Variants in CNTN5 observed in about 807,000 individuals in gnomAD.
CNTN5 encodes the protein contactin-5.
CNTN5 carries 77 observed loss-of-function variants against 129.1 expected under a neutral mutation model. The ratio of observed to expected loss-of-function variants is 0.60; its 90% CI spans 0.50 to 0.72. CNTN5 has a LOEUF of 0.72. CNTN5 is among the 30% of genes least tolerant of loss of function. CNTN5 has a pLI of 0.00. For missense variants in CNTN5, 1,478 were observed against 1,328.8 expected, an observed-to-expected ratio of 1.11 and a Z score of -1.75; for synonymous variants, 509 against 465.6, an observed-to-expected ratio of 1.09 and a Z score of -1.20.
intron 2 of CNTN5, among the ~76,000 whole-genome samples, chr11:99,374,289 A>G (rs550992832): frequency 6.6e-6 from 1 of 152,356 alleles, no homozygotes; most frequent in East Asian, 1.9e-4. Flanking sequence ...AATAAAATAA[A>G]GTAAATCATT....
At chr11:99,595,435 TTAAGA>T (rs1950096813) in intron 3 of CNTN5, among the ~76,000 whole-genome samples, 1 of 152,168 alleles carries the variant, frequency 6.6e-6, no homozygotes. Context: ...AGTCTTTGTT[TTAAGA>T]TAAGTGGACT....
chr11:99,068,893 T>G lies in CNTN5; in HGVS notation c.-210+47623T>G, dbSNP rs577301872. Among the ~76,000 whole-genome samples, 16 of 152,264 alleles carry G rather than the reference T, an allele frequency of 1.1e-4. No individual in the cohort carries two copies. In the South Asian group the frequency reaches 3.1e-3, roughly 30 times the overall value. On this transcript the variant is annotated intron_variant, in intron 1 of 24. Transcript: ENST00000524871. Reference sequence around the variant, plus strand: ...TAATTTTAAAAATAATCAGATCTCCTTTAGAACATGTGACCTTAAGTGAAT... The same window carrying G: ...TAATTTTAAAAATAATCAGATCTCCGTTAGAACATGTGACCTTAAGTGAAT...
chr11:99,909,943 C>A (rs1949614279), intron 6 of CNTN5, among the ~76,000 whole-genome samples: 1 of 151,072 alleles, frequency 6.6e-6, no homozygotes, highest in East Asian at 2.0e-4. Context: ...CACATGTACC[C>A]TAAAACTTAA....
At chr11:100,278,999 A>C (rs1238418703) in intron 18 of CNTN5, among the ~76,000 whole-genome samples, 1 of 151,876 alleles carries the variant, frequency 6.6e-6, no homozygotes, top group Non-Finnish European at 1.5e-5. Flanking sequence ...TTTGTTGAGA[A>C]TTTTTATCAT....
intron 13 of CNTN5, among the ~76,000 whole-genome samples, chr11:100,184,329 C>G (rs1948230982): frequency 6.6e-6 from 1 of 152,124 alleles, no homozygotes; most frequent in African/African-American, 2.4e-5. Flanking sequence ...ATAGAGTAGT[C>G]AGTGTCAGTA....
intron 16 of CNTN5, among the ~76,000 whole-genome samples, chr11:100,227,541 C>A (rs566288662): frequency 6.6e-6 from 1 of 152,170 alleles, no homozygotes. Context: ...ACCATGATCA[C>A]CTTTCTCCAA....
At chr11:99,885,797 A>G (rs2135879950) in intron 6 of CNTN5, among the ~76,000 whole-genome samples, 1 of 152,326 alleles carries the variant, frequency 6.6e-6, no homozygotes, top group African/African-American at 2.4e-5. Context: ...AGTGTAATAG[A>G]GAATTGAAAG....
chr11:99,096,936 A>G (rs995146868), intron 1 of CNTN5, among the ~76,000 whole-genome samples: 3 of 151,892 alleles, frequency 2.0e-5, no homozygotes, highest in African/African-American at 7.2e-5. Flanking sequence ...CAATTTATAA[A>G]TTTAATTAGG....
chr11:100,116,651 AATTTT>A (rs1404641744), intron 13 of CNTN5, among the ~76,000 whole-genome samples: 1 of 152,000 alleles, frequency 6.6e-6, no homozygotes, highest in Non-Finnish European at 1.5e-5. Context: ...TGCCTATTAC[AATTTT>A]ATTTTACCTG....
At chr11:100,280,712 GC>G in intron 18 of CNTN5, among the ~76,000 whole-genome samples, 1 of 152,112 alleles carries the variant, frequency 6.6e-6, no homozygotes, top group East Asian at 1.9e-4. Context: ...ACTTACTCCT[GC>G]CATTTTATTA....
intron 1 of CNTN5, among the ~76,000 whole-genome samples, chr11:99,269,522 A>T (rs994781948): frequency 1.3e-5 from 2 of 151,858 alleles, no homozygotes; most frequent in African/African-American, 4.8e-5. Flanking sequence ...GTAAACAAGA[A>T]ATGATCTTGT....
intron 3 of CNTN5, among the ~76,000 whole-genome samples, chr11:99,796,371 G>A (rs780345663): frequency 4.6e-5 from 7 of 152,180 alleles, no homozygotes; most frequent in Middle Eastern, 3.4e-3. Context: ...ATGTCCACCT[G>A]TATGCATGTG....
At chr11:99,040,382 G>C (rs1863940178) in intron 1 of CNTN5, among the ~76,000 whole-genome samples, 1 of 152,008 alleles carries the variant, frequency 6.6e-6, no homozygotes, top group Admixed American at 6.5e-5. Flanking sequence ...ATAAAATTTA[G>C]TATATGTAGT....
intron 3 of CNTN5, among the ~76,000 whole-genome samples, chr11:99,739,772 C>T (rs80179295): frequency 0.063 from 9,600 of 152,140 alleles, 411 homozygotes; most frequent in Non-Finnish European, 0.095. Context: ...ATTTTTGTAG[C>T]GATGCATCAG....
At chr11:99,626,703 A>G (rs1353455807) in intron 3 of CNTN5, among the ~76,000 whole-genome samples, 1 of 152,130 alleles carries the variant, frequency 6.6e-6, no homozygotes, top group Non-Finnish European at 1.5e-5. Flanking sequence ...CTGACATTTT[A>G]AGGGAGACCT....
rs562241461 is a variant in CNTN5 at position 99,305,705 on chromosome 11, G to A, written c.-209-19641G>A. Among the ~76,000 whole-genome samples, 4 of 152,224 alleles carry A rather than the reference G, an allele frequency of 2.6e-5. No individual in the cohort carries two copies. The South Asian group carries it at 8.3e-4, about 32-fold the overall frequency. On this transcript the variant is annotated intron_variant, in intron 1 of 24. Coordinates refer to ENST00000524871, the MANE Select transcript of CNTN5 (RefSeq NM_014361.4). Reference sequence around the variant, plus strand: ...TGTTTGAGAGTTTTATCTTGGCCAGGTGTGGTGGCTCACACCTGTAATCCC... The same window carrying A: ...TGTTTGAGAGTTTTATCTTGGCCAGATGTGGTGGCTCACACCTGTAATCCC...
At chr11:99,781,016 G>A (rs2585885) in intron 3 of CNTN5, among the ~76,000 whole-genome samples, 97,927 of 151,860 alleles carry the variant, frequency 0.64, 31,717 homozygotes, top group East Asian at 0.72. Flanking sequence ...TAAAAATATT[G>A]GTAGATGCTA....
chr11:99,373,671 C>A (rs1939970436), intron 2 of CNTN5, among the ~76,000 whole-genome samples: 2 of 144,488 alleles, frequency 1.4e-5, no homozygotes, highest in African/African-American at 5.2e-5. Context: ...TGAGATAGCG[C>A]CACTGCATTC....
In CNTN5 at chr11:100,074,228, C is replaced by A; in HGVS notation, c.1514C>A (p.Pro505His). 1 of 1,611,672 alleles carries A rather than the reference C, an allele frequency of 6.2e-7. No individual in the cohort carries two copies. The highest frequency in any genetic ancestry group is 8.5e-7 in the Non-Finnish European group (1 of 1,178,734). The change falls in exon 13 of 25, where the codon CCC (proline) becomes CAC (histidine). Residue 505 changes from proline (P) to histidine (H), a missense_variant. Transcript: ENST00000524871. ...CAAGAAGTTGTCATAGAGTGCAAAC[C>A]CCAAGGCTCTCCAAAACCAACCATC... ...KDQEVVIECK[P>H]QGSPKPTISW...
Sources: gnomAD v4.1 joint callset for allele counts (sites outside exome capture counted in the v4.1 genomes callset) on GRCh38, gnomAD v4.1.1 for gene constraint, MANE v1.5 for transcripts, NCBI Gene and HGNC (gene_info 2026-07-23, HGNC 2026-07-21) for gene names.